GALNT7: variants seen among roughly 807,000 people sequenced by gnomAD.
GALNT7 encodes the protein polypeptide N-acetylgalactosaminyltransferase 7.
In GALNT7, 60 loss-of-function variants were observed where a neutral mutation model predicts 82.1. That is an observed-to-expected ratio of 0.73 (90% CI 0.59 to 0.91). The LOEUF is 0.91. Ranked by LOEUF, GALNT7 falls within the 40% of genes least tolerant of loss-of-function variation. GALNT7 has a pLI of 0.00. For synonymous variants in GALNT7, 243 were observed against 275.1 expected (o/e 0.88, Z 1.15); for missense variants, 660 against 804.2 (o/e 0.82, Z 2.17).
intron 1 of GALNT7, among the ~76,000 whole-genome samples, chr4:173,183,826 T>A (rs1283778292): frequency 7.0e-6 from 1 of 143,696 alleles, no homozygotes; most frequent in East Asian, 2.1e-4. Context: ...GCGGGGACTG[T>A]CCCCCACCTC....
intron 2 of GALNT7, among the ~76,000 whole-genome samples, chr4:173,253,019 G>A (rs1734900275): frequency 6.6e-6 from 1 of 152,052 alleles, no homozygotes; most frequent in African/African-American, 2.4e-5. Flanking sequence ...GGGCAACATG[G>A]TAAAACCCCA....
intron 1 of GALNT7, among the ~76,000 whole-genome samples, chr4:173,230,084 G>A (rs1056837886): frequency 6.6e-6 from 1 of 152,144 alleles, no homozygotes; most frequent in Non-Finnish European, 1.5e-5. Context: ...GTATGACTTA[G>A]GGTCATCAGA....
intron 1 of GALNT7, among the ~76,000 whole-genome samples, chr4:173,188,146 T>C (rs1347866641): frequency 6.6e-6 from 1 of 152,236 alleles, no homozygotes; most frequent in Admixed American, 6.5e-5. Flanking sequence ...AAGTAACTTA[T>C]ACTGAACTCT....
At chr4:173,280,932 C>T (rs1736088664) in intron 2 of GALNT7, among the ~76,000 whole-genome samples, 1 of 152,192 alleles carries the variant, frequency 6.6e-6, no homozygotes, top group African/African-American at 2.4e-5. Context: ...CTTTAAGATC[C>T]TGCCTTCAGG....
chr4:173,212,309 T>G (rs1262650503), intron 1 of GALNT7, among the ~76,000 whole-genome samples: 3 of 152,200 alleles, frequency 2.0e-5, no homozygotes, highest in African/African-American at 7.2e-5. Context: ...AAAAATCAAC[T>G]TAAGTCTACA....
chr4:173,273,008 C>G (rs1452721311), intron 2 of GALNT7, among the ~76,000 whole-genome samples: 2 of 152,132 alleles, frequency 1.3e-5, no homozygotes, highest in Admixed American at 1.3e-4. Flanking sequence ...TGCAACCAAT[C>G]CTGTAATATC....
intron 2 of GALNT7, among the ~76,000 whole-genome samples, chr4:173,288,282 CAAAAAAAAAAAAA>C (rs70944442): frequency 9.5e-5 from 6 of 63,000 alleles, no homozygotes; most frequent in African/African-American, 4.4e-4. Flanking sequence ...GACTCCATCT[CAAAAAAAAAAAAA>C]AAAAAAAAAA....
At chr4:173,288,792 G>A (rs554497617) in intron 2 of GALNT7, among the ~76,000 whole-genome samples, 2 of 152,112 alleles carry the variant, frequency 1.3e-5, no homozygotes, top group Admixed American at 1.3e-4. Flanking sequence ...CTTACTAGGT[G>A]AAAATTTAAA....
intron 2 of GALNT7, chr4:173,268,330 C>G (rs535686018): frequency 6.6e-6 from 1 of 151,968 alleles, no homozygotes; most frequent in Non-Finnish European, 1.5e-5. Flanking sequence ...CACTGTAACT[C>G]GCACCCAAAC....
intron 8 of GALNT7, among the ~76,000 whole-genome samples, chr4:173,308,813 G>A (rs1219763563): frequency 2.0e-5 from 3 of 152,204 alleles, no homozygotes; most frequent in Admixed American, 1.3e-4. Context: ...TGAGGCAGGA[G>A]AATCGCTTGA....
chr4:173,320,620 T>C lies in GALNT7; in HGVS notation c.1837-960T>C, dbSNP rs865868431. On this transcript the variant is annotated intron_variant, in intron 11 of 11. Transcript: ENST00000265000. The surrounding 1 kb of genome is among the most constrained non-coding windows in gnomAD (Gnocchi z 4.1). ...TACAGTTTGTAAAGGGAGCGAGTACTTTAATAGCCGTTCATATAATTGTGG... is the reference window on the plus strand; with the variant it reads ...TACAGTTTGTAAAGGGAGCGAGTACCTTAATAGCCGTTCATATAATTGTGG... 7.9e-5 allele frequency among the ~76,000 whole-genome samples: 12 copies of C among 152,284 alleles called. No homozygotes were observed. The highest frequency in any genetic ancestry group is 6.8e-3 in the Middle Eastern group (2 of 294).
At chr4:173,303,194 C>T (rs1436956744) in intron 7 of GALNT7, among the ~76,000 whole-genome samples, 2 of 128,302 alleles carry the variant, frequency 1.6e-5, no homozygotes, top group African/African-American at 5.5e-5. Context: ...GACTCCGTCT[C>T]AAAAAAAAAA....
intron 1 of GALNT7, among the ~76,000 whole-genome samples, chr4:173,207,449 C>A (rs1360706650): frequency 6.6e-6 from 1 of 151,972 alleles, no homozygotes; most frequent in Non-Finnish European, 1.5e-5. Flanking sequence ...TTGTTTTGTA[C>A]CTATAGCTTA....
intron 1 of GALNT7, among the ~76,000 whole-genome samples, chr4:173,227,074 A>G (rs1453658026): frequency 6.6e-6 from 1 of 152,192 alleles, no homozygotes; most frequent in Non-Finnish European, 1.5e-5. Context: ...AGCCAATCTA[A>G]TAAGGAAAAA....
intron 1 of GALNT7, among the ~76,000 whole-genome samples, chr4:173,230,199 CAGAT>C (rs1733985061): frequency 6.6e-6 from 1 of 152,156 alleles, no homozygotes; most frequent in African/African-American, 2.4e-5. Flanking sequence ...TTGTTGCAAA[CAGAT>C]AGCAAATTTC....
Position 173,223,952 on chromosome 4 carries a change from T to G in GALNT7, c.127-24028T>G, listed in dbSNP as rs865797022. On this transcript the variant is annotated intron_variant, in intron 1 of 11. Coordinates refer to ENST00000265000, the MANE Select transcript of GALNT7 (RefSeq NM_017423.3). Reference sequence around the variant, plus strand: ...CAGGTGGCAAATGACGTCAGGTTGTTTCATCGCTGGTAATTGTATTTAATC... The same window carrying G: ...CAGGTGGCAAATGACGTCAGGTTGTGTCATCGCTGGTAATTGTATTTAATC... Among the ~76,000 whole-genome samples the G allele has an allele frequency of 2.0e-5, 3 of 152,184 alleles. No homozygotes were observed. In the South Asian group the frequency reaches 6.2e-4, roughly 32 times the overall value.
intron 2 of GALNT7, among the ~76,000 whole-genome samples, chr4:173,263,332 A>G (rs1054880487): frequency 1.3e-5 from 2 of 152,222 alleles, no homozygotes; most frequent in African/African-American, 2.4e-5. Context: ...TTAATCTCTT[A>G]TACTTGATTT....
intron 1 of GALNT7, among the ~76,000 whole-genome samples, chr4:173,196,010 A>G (rs973153962): frequency 2.0e-5 from 3 of 152,250 alleles, no homozygotes; most frequent in African/African-American, 7.2e-5. Context: ...TGTGGAAGAG[A>G]TACTTACTCG....
intron 6 of GALNT7, among the ~76,000 whole-genome samples, chr4:173,299,738 TG>T (rs550529957): frequency 8.4e-4 from 128 of 151,842 alleles, no homozygotes; most frequent in Admixed American, 2.0e-3. Context: ...CCCAGCTACT[TG>T]GGAGGCTGAG....
Sources: allele counts gnomAD v4.1 joint callset (sites outside exome capture counted in the v4.1 genomes callset), GRCh38; gene constraint gnomAD v4.1.1; non-coding constraint Gnocchi (gnomAD v3.1); transcripts MANE v1.5; gene names NCBI Gene and HGNC (gene_info 2026-07-23, HGNC 2026-07-21).